The following OLA1 variants were observed in gnomAD, a reference collection of about 807,000 sequenced individuals.
OLA1 encodes obg-like ATPase 1.
In OLA1, 14 loss-of-function variants were observed where a neutral mutation model predicts 48.4. That is an observed-to-expected ratio of 0.29 (90% confidence interval 0.19 to 0.45). The LOEUF is 0.45. OLA1 is among the 20% of genes least tolerant of loss of function. The pLI is 1.00. For synonymous variants in OLA1, 127 were observed against 150.4 expected, an observed-to-expected ratio of 0.84 and a Z score of 1.14; for missense variants, 325 against 467.1, an observed-to-expected ratio of 0.70 and a Z score of 2.80.
chr2:174,210,874 T>C (rs1031564793), intron 4 of OLA1, among the ~76,000 whole-genome samples: 1 of 152,200 alleles, frequency 6.6e-6, no homozygotes, highest in African/African-American at 2.4e-5. Context: ...TCTATCATCA[T>C]TCTTACCTTT....
chr2:174,218,017 A>G (rs1315853155), intron 4 of OLA1: 1 of 151,896 alleles, frequency 6.6e-6, no homozygotes, highest in African/African-American at 2.4e-5. Flanking sequence ...TTTTTTTTAA[A>G]GAAGCAAAGT....
At chr2:174,119,412 T>C (rs563660303) in intron 7 of OLA1, among the ~76,000 whole-genome samples, 2 of 152,122 alleles carry the variant, frequency 1.3e-5, no homozygotes, top group Admixed American at 1.3e-4. Flanking sequence ...CCTCCTACAA[T>C]AGTTCTATAG....
At chr2:174,105,723 C>T (rs528797045) in intron 7 of OLA1, among the ~76,000 whole-genome samples, 1 of 152,130 alleles carries the variant, frequency 6.6e-6, no homozygotes, top group East Asian at 1.9e-4. Flanking sequence ...TTATTCTATA[C>T]TAGAAGCTTA....
intron 4 of OLA1, among the ~76,000 whole-genome samples, chr2:174,175,012 G>C (rs145272102): frequency 2.0e-4 from 31 of 152,040 alleles, no homozygotes; most frequent in African/African-American, 6.7e-4. Context: ...GGTTAATTCA[G>C]TGAGAGAAAA....
At chr2:174,170,705 C>T (rs1304878117) in intron 4 of OLA1, among the ~76,000 whole-genome samples, 2 of 152,048 alleles carry the variant, frequency 1.3e-5, no homozygotes, top group African/African-American at 2.4e-5. Context: ...CAAGATCAGC[C>T]GAGGCAACAT....
intron 3 of OLA1, among the ~76,000 whole-genome samples, chr2:174,227,780 C>A (rs1688647081): frequency 6.6e-6 from 1 of 151,896 alleles, no homozygotes. Context: ...ACAATAGTAA[C>A]AAATGAAGGA....
chr2:174,076,096 G>A (rs1480111736), intron 10 of OLA1, among the ~76,000 whole-genome samples: 1 of 152,084 alleles, frequency 6.6e-6, no homozygotes, highest in African/African-American at 2.4e-5. Context: ...TTCATCATAC[G>A]GTTTCCTGAC....
chr2:174,194,385 G>A (rs778173265), intron 4 of OLA1, among the ~76,000 whole-genome samples: 1 of 152,078 alleles, frequency 6.6e-6, no homozygotes, highest in African/African-American at 2.4e-5. Context: ...CTGGTGTCCC[G>A]TTGTGTCTAT....
intron 4 of OLA1, among the ~76,000 whole-genome samples, chr2:174,185,314 A>T (rs1687634203): frequency 1.3e-5 from 2 of 152,204 alleles, no homozygotes; most frequent in African/African-American, 4.8e-5. Flanking sequence ...TTAACTGGGA[A>T]GTGTAGTAAA....
intron 7 of OLA1, among the ~76,000 whole-genome samples, chr2:174,089,799 G>A (rs1685065138): frequency 6.6e-6 from 1 of 151,796 alleles, no homozygotes; most frequent in African/African-American, 2.4e-5. Context: ...CTACTTGGAA[G>A]GCTGAGGTGG....
chr2:174,183,732 T>C (rs923791787), intron 4 of OLA1, among the ~76,000 whole-genome samples: 1 of 152,190 alleles, frequency 6.6e-6, no homozygotes, highest in Non-Finnish European at 1.5e-5. Flanking sequence ...TTGTAAAATG[T>C]AGATAATAGT....
In OLA1 at chr2:174,181,262, A is replaced by C. The variant is rs565866963; in HGVS notation, c.374-39262T>G. Among the ~76,000 whole-genome samples, 100 of 152,170 alleles carry C rather than the reference A, an allele frequency of 6.6e-4. 1 individual carries two copies. The highest frequency in any genetic ancestry group is 8.4e-4 in the Non-Finnish European group (57 of 68,016). On this transcript the variant is annotated intron_variant, in intron 4 of 10. Transcript: ENST00000284719. ...TCTTTTGGGAGCAAAACTTCACTGG[A>C]GTAGGTTTTTAAAAGGAATCGAATG...
intron 7 of OLA1, among the ~76,000 whole-genome samples, chr2:174,096,228 C>T (rs1033870909): frequency 2.0e-5 from 3 of 152,094 alleles, no homozygotes; most frequent in African/African-American, 7.2e-5. Flanking sequence ...ATAGGCAAAT[C>T]CAAAGAGACT....
At chr2:174,197,504 C>T (rs1360635857) in intron 4 of OLA1, among the ~76,000 whole-genome samples, 1 of 151,986 alleles carries the variant, frequency 6.6e-6, no homozygotes, top group African/African-American at 2.4e-5. Context: ...CATAGGTACT[C>T]GCTCTCCCAC....
intron 5 of OLA1, among the ~76,000 whole-genome samples, chr2:174,139,814 G>A (rs1169538625): frequency 2.1e-5 from 3 of 142,476 alleles, no homozygotes; most frequent in Non-Finnish European, 1.5e-5. Context: ...GCAGTGAGCC[G>A]AGATAGTGCC....
intron 7 of OLA1, among the ~76,000 whole-genome samples, chr2:174,091,501 T>C (rs1175447155): frequency 6.6e-6 from 1 of 152,258 alleles, no homozygotes; most frequent in Non-Finnish European, 1.5e-5. Flanking sequence ...TGTAACTTTA[T>C]GGCATATGCC....
rs372491629 is a variant in OLA1 at position 174,082,027 on chromosome 2, G to A, written c.766C>T (p.Pro256Ser). 4.7e-5 allele frequency: 76 copies of A among 1,613,376 alleles called. 1 individual carries two copies. The Middle Eastern group carries it at 6.6e-4, about 14-fold the overall frequency. ...CTAAAAGGAATGACCAAAGCACCTG[G>A]GTCATACTTGTCCACCCACTCTTTA... ...KIKEWVDKYD[P>S]GALVIPFSGA... Residue 256 changes from proline (P) to serine (S), a missense_variant, in exon 8 of 11, where the codon CCA becomes TCA. By Grantham distance (74) the Pro-to-Ser change is moderately conservative (BLOSUM62 -1). Transcript: ENST00000284719.
intron 7 of OLA1, among the ~76,000 whole-genome samples, chr2:174,106,466 T>C (rs1685517351): frequency 6.6e-6 from 1 of 152,106 alleles, no homozygotes; most frequent in Non-Finnish European, 1.5e-5. Context: ...ATAAATGAGT[T>C]TACCTCACTG....
chr2:174,224,902 A>C (rs971223246), intron 3 of OLA1, among the ~76,000 whole-genome samples: 3 of 152,244 alleles, frequency 2.0e-5, no homozygotes, highest in African/African-American at 7.2e-5. Flanking sequence ...CAGCTCTTTA[A>C]GTCACTGTGT....
Sources: allele counts gnomAD v4.1 joint callset (sites outside exome capture counted in the v4.1 genomes callset), GRCh38; gene constraint gnomAD v4.1.1; transcripts MANE v1.5; gene names NCBI Gene and HGNC (gene_info 2026-07-23, HGNC 2026-07-21).